The following MAGI1 variants were observed in gnomAD, a reference collection of about 807,000 sequenced individuals.
MAGI1 encodes membrane-associated guanylate kinase, WW and PDZ domain-containing protein 1.
Under a neutral mutation model 139.9 loss-of-function variants are expected in MAGI1, and 58 were observed. That is an observed-to-expected ratio of 0.41 (90% CI 0.34 to 0.52). MAGI1 has a LOEUF of 0.52. Ranked by LOEUF, MAGI1 falls within the 20% of genes least tolerant of loss-of-function variation. The probability of loss-of-function intolerance (pLI) is 0.12; values close to 1 mark genes in which losing one functional copy is unlikely to be tolerated. For missense variants in MAGI1, 1,874 were observed against 1,901.6 expected, an observed-to-expected ratio of 0.99 and a Z score of 0.27; for synonymous variants, 812 against 737.9, an observed-to-expected ratio of 1.10 and a Z score of -1.63.
intron 4 of MAGI1, among the ~76,000 whole-genome samples, chr3:65,476,931 C>T (rs1010429571): frequency 6.6e-6 from 1 of 152,150 alleles, no homozygotes; most frequent in African/African-American, 2.4e-5. Flanking sequence ...CTAGATATTA[C>T]AACTATTGGG....
chr3:65,618,059 G>A (rs1334782380), intron 2 of MAGI1, among the ~76,000 whole-genome samples: 1 of 152,286 alleles, frequency 6.6e-6, no homozygotes, highest in East Asian at 1.9e-4. Context: ...ACTTCGTGGA[G>A]GAAGTGGCAT....
chr3:65,970,134 T>A (rs1244858281), intron 1 of MAGI1, among the ~76,000 whole-genome samples: 6 of 152,172 alleles, frequency 3.9e-5, no homozygotes, highest in African/African-American at 1.4e-4. Flanking sequence ...GAGGTGTGCA[T>A]ACATGGCAGA....
intron 13 of MAGI1, among the ~76,000 whole-genome samples, chr3:65,398,398 G>A (rs1219638047): frequency 6.6e-6 from 1 of 152,116 alleles, no homozygotes; most frequent in Non-Finnish European, 1.5e-5. Context: ...CTACTTGGAA[G>A]GCTAAGGCAA....
intron 1 of MAGI1, among the ~76,000 whole-genome samples, chr3:65,718,766 C>T (rs912273677): frequency 6.6e-6 from 1 of 151,978 alleles, no homozygotes; most frequent in African/African-American, 2.4e-5. Flanking sequence ...TATGAATCTC[C>T]CAGAAACAAC....
chr3:65,922,184 C>T (rs561220476), intron 1 of MAGI1, among the ~76,000 whole-genome samples: 2 of 152,030 alleles, frequency 1.3e-5, no homozygotes, highest in Non-Finnish European at 2.9e-5. Flanking sequence ...CAAGGTCACA[C>T]ACAAAAATAC....
intron 2 of MAGI1, among the ~76,000 whole-genome samples, chr3:65,581,310 T>G (rs1298990425): frequency 6.6e-6 from 1 of 151,820 alleles, no homozygotes; most frequent in African/African-American, 2.4e-5. Flanking sequence ...ATCACAGAAA[T>G]GTACATGAAT....
At chr3:65,941,817 G>C (rs1238527462) in intron 1 of MAGI1, among the ~76,000 whole-genome samples, 1 of 152,058 alleles carries the variant, frequency 6.6e-6, no homozygotes, top group African/African-American at 2.4e-5. Flanking sequence ...TTTGGAACAG[G>C]GTCTCACTCT....
At chr3:65,774,100 G>A (rs2038179961) in intron 1 of MAGI1, among the ~76,000 whole-genome samples, 1 of 53,784 alleles carries the variant, frequency 1.9e-5, no homozygotes. Flanking sequence ...AGATCCACTG[G>A]CTAGTTAAAA....
chr3:65,979,005 A>G (rs1171035382), intron 1 of MAGI1, among the ~76,000 whole-genome samples: 3 of 151,864 alleles, frequency 2.0e-5, no homozygotes, highest in Non-Finnish European at 2.9e-5. Context: ...ACTGAGCCCA[A>G]CTATCCATCT....
At chr3:65,593,151 G>A (rs2082040910) in intron 2 of MAGI1, among the ~76,000 whole-genome samples, 1 of 142,340 alleles carries the variant, frequency 7.0e-6, no homozygotes, top group Admixed American at 7.2e-5. Flanking sequence ...ATAAAAAGGA[G>A]TTTAAATGTT....
At chr3:65,951,484 A>C (rs1297146496) in intron 1 of MAGI1, among the ~76,000 whole-genome samples, 1 of 152,238 alleles carries the variant, frequency 6.6e-6, no homozygotes, top group African/African-American at 2.4e-5. Flanking sequence ...CTGAAGTATA[A>C]ATTACGCATC....
chr3:65,691,239 G>T (rs905459874), intron 1 of MAGI1, among the ~76,000 whole-genome samples: 1 of 148,218 alleles, frequency 6.7e-6, no homozygotes, highest in Admixed American at 6.9e-5. Flanking sequence ...GGAGGAGGAG[G>T]TTGCAGTGAG....
intron 1 of MAGI1, among the ~76,000 whole-genome samples, chr3:65,922,953 T>A (rs2062290755): frequency 6.6e-6 from 1 of 152,156 alleles, no homozygotes; most frequent in African/African-American, 2.4e-5. Flanking sequence ...CATTTTTTTC[T>A]TGATAACAGG....
intron 1 of MAGI1, among the ~76,000 whole-genome samples, chr3:65,863,198 C>T (rs2059612350): frequency 6.6e-6 from 1 of 152,204 alleles, no homozygotes; most frequent in Admixed American, 6.5e-5. Flanking sequence ...ATACCATCTC[C>T]TCTGAGGAGC....
At chr3:65,503,520 T>A (rs2077164207) in intron 2 of MAGI1, among the ~76,000 whole-genome samples, 1 of 152,202 alleles carries the variant, frequency 6.6e-6, no homozygotes, top group South Asian at 2.1e-4. Context: ...AGTAATTGTG[T>A]CTCATAAATG....
intron 1 of MAGI1, among the ~76,000 whole-genome samples, chr3:65,966,996 C>T (rs9823801): frequency 0.4 from 60,141 of 152,000 alleles, 12,318 homozygotes; most frequent in South Asian, 0.64. Context: ...GTTAGCACTA[C>T]CGCGATTTCC....
At chr3:65,801,099 G>T (rs2040483988) in intron 1 of MAGI1, among the ~76,000 whole-genome samples, 1 of 152,176 alleles carries the variant, frequency 6.6e-6, no homozygotes. Context: ...ATGAAAATGA[G>T]AGATAAAGAA....
intron 1 of MAGI1, among the ~76,000 whole-genome samples, chr3:65,907,080 G>T (rs2061469674): frequency 6.6e-6 from 1 of 151,000 alleles, no homozygotes. Context: ...ACTCCACTTG[G>T]TGAAGACTAA....
intron 1 of MAGI1, among the ~76,000 whole-genome samples, chr3:65,782,685 A>T (rs2643730): frequency 0.5 from 73,887 of 148,102 alleles, 18,815 homozygotes; most frequent in Non-Finnish European, 0.55. Context: ...TTAGGTATAA[A>T]CATAATATAC....
Sources: gnomAD v4.1 joint callset for allele counts (sites outside exome capture counted in the v4.1 genomes callset) on GRCh38, gnomAD v4.1.1 for gene constraint, MANE v1.5 for transcripts, NCBI Gene and HGNC (gene_info 2026-07-23, HGNC 2026-07-21) for gene names.